The following TRAPPC9 variants were observed in gnomAD, a reference collection of about 807,000 sequenced individuals.
TRAPPC9 encodes the protein IKK2 binding protein.
TRAPPC9 carries 83 observed loss-of-function variants against 124.0 expected under a neutral mutation model. The observed-to-expected ratio is 0.67, with a 90% CI of 0.56 to 0.80. The LOEUF (loss-of-function observed/expected upper bound fraction) is 0.80, where lower values mean the gene tolerates loss of function less well. Ranked by LOEUF, TRAPPC9 falls within the 30% of genes least tolerant of loss-of-function variation. The pLI is 0.00. For missense variants in TRAPPC9, 1,302 were observed against 1,508.3 expected, an observed-to-expected ratio of 0.86 and a Z score of 2.27; for synonymous variants, 638 against 617.5, an observed-to-expected ratio of 1.03 and a Z score of -0.49.
chr8:140,008,001 T>C lies in TRAPPC9; in HGVS notation c.2699+15936A>G, dbSNP rs116244849. Among the ~76,000 whole-genome samples the C allele has an allele frequency of 4.4e-3, 666 of 152,304 alleles. 4 individuals carry two copies. The highest frequency in any genetic ancestry group is 0.015 in the African/African-American group (625 of 41,562). On this transcript the variant is annotated intron_variant, in intron 18 of 22. Transcript: ENST00000438773. Reference sequence around the variant, plus strand: ...ACACATGGAACTCGGGAGCACTAGTTATGGAGTCGGTGTCAGTCCAGATAG... The same window carrying C: ...ACACATGGAACTCGGGAGCACTAGTCATGGAGTCGGTGTCAGTCCAGATAG...
At chr8:140,292,985 C>A (rs1313465793) in intron 11 of TRAPPC9, among the ~76,000 whole-genome samples, 1 of 145,346 alleles carries the variant, frequency 6.9e-6, no homozygotes, top group African/African-American at 2.7e-5. Flanking sequence ...GGGCTAATAT[C>A]CAGAATCTAC....
chr8:140,329,964 G>A (rs575180801), intron 9 of TRAPPC9, among the ~76,000 whole-genome samples: 22 of 152,002 alleles, frequency 1.4e-4, no homozygotes, highest in South Asian at 1.3e-3. Flanking sequence ...TGTAATTCCA[G>A]CTAACTCAGG....
At chr8:139,758,096 T>C (rs937963503) in intron 21 of TRAPPC9, among the ~76,000 whole-genome samples, 2 of 152,212 alleles carry the variant, frequency 1.3e-5, no homozygotes, top group East Asian at 1.9e-4. Context: ...AAATTAATCT[T>C]TGTCTTCTTC....
chr8:140,049,726 G>T (rs1022014418), intron 17 of TRAPPC9, among the ~76,000 whole-genome samples: 1 of 152,202 alleles, frequency 6.6e-6, no homozygotes, highest in Non-Finnish European at 1.5e-5. Flanking sequence ...AAATGAAAGC[G>T]GATCTCTGAG....
At chr8:139,884,228 C>A (rs1829859112) in intron 21 of TRAPPC9, among the ~76,000 whole-genome samples, 1 of 152,048 alleles carries the variant, frequency 6.6e-6, no homozygotes, top group Non-Finnish European at 1.5e-5. Context: ...CTGGGAAGGG[C>A]ATTGTTTCCA....
At chr8:140,387,734 G>A (rs941665680) in intron 7 of TRAPPC9, among the ~76,000 whole-genome samples, 2 of 152,174 alleles carry the variant, frequency 1.3e-5, no homozygotes, top group Non-Finnish European at 2.9e-5. Flanking sequence ...AACAGGTGCT[G>A]GAGAGGACGT....
At chr8:140,031,629 C>T (rs1041286721) in intron 17 of TRAPPC9, among the ~76,000 whole-genome samples, 6 of 152,318 alleles carry the variant, frequency 3.9e-5, no homozygotes, top group Admixed American at 6.5e-5. Flanking sequence ...ACCAGCACAA[C>T]GGTTTACTTA....
At chr8:139,800,269 T>C (rs553974194) in intron 21 of TRAPPC9, among the ~76,000 whole-genome samples, 1 of 152,334 alleles carries the variant, frequency 6.6e-6, no homozygotes, top group East Asian at 1.9e-4. Context: ...ATTCTGTGGC[T>C]GGCCAAGGCC....
intron 21 of TRAPPC9, among the ~76,000 whole-genome samples, chr8:139,801,048 G>A (rs527836560): frequency 7.1e-6 from 1 of 140,620 alleles, no homozygotes; most frequent in South Asian, 2.3e-4. Context: ...CCCTCCCTCC[G>A]GCACCTTCCC....
At chr8:139,996,672 G>A (rs1052926766) in intron 18 of TRAPPC9, among the ~76,000 whole-genome samples, 1 of 152,098 alleles carries the variant, frequency 6.6e-6, no homozygotes, top group Non-Finnish European at 1.5e-5. Flanking sequence ...AAAAAGAATT[G>A]GCAAATGACA....
chr8:140,193,729 G>C (rs1205064991), intron 17 of TRAPPC9, among the ~76,000 whole-genome samples: 5 of 152,010 alleles, frequency 3.3e-5, no homozygotes, highest in Admixed American at 2.6e-4. Context: ...TGTGCTAATG[G>C]GAAGAGCATG....
intron 17 of TRAPPC9, among the ~76,000 whole-genome samples, chr8:140,124,985 A>T (rs1304313136): frequency 6.6e-6 from 1 of 152,240 alleles, no homozygotes; most frequent in Non-Finnish European, 1.5e-5. Flanking sequence ...TCTTGATAAA[A>T]ATTGCAGGGT....
At chr8:140,047,059 C>CCTGGAAG in intron 17 of TRAPPC9, among the ~76,000 whole-genome samples, 1 of 152,198 alleles carries the variant, frequency 6.6e-6, no homozygotes, top group African/African-American at 2.4e-5. Context: ...TGTGAGGTGT[C>CCTGGAAG]CTGGAAGGGA....
chr8:140,009,249 G>A (rs1420057551), intron 18 of TRAPPC9, among the ~76,000 whole-genome samples: 1 of 152,136 alleles, frequency 6.6e-6, no homozygotes, highest in African/African-American at 2.4e-5. Flanking sequence ...CATCACTTCT[G>A]TGGTTCAAAT....
chr8:140,120,654 T>C (rs1033935826), intron 17 of TRAPPC9, among the ~76,000 whole-genome samples: 7 of 142,760 alleles, frequency 4.9e-5, no homozygotes, highest in African/African-American at 1.6e-4. Flanking sequence ...ATCCATCCAT[T>C]CATCCATCCA....
At chr8:139,821,608 GAGA>G in intron 21 of TRAPPC9, among the ~76,000 whole-genome samples, 1 of 152,266 alleles carries the variant, frequency 6.6e-6, no homozygotes, top group Non-Finnish European at 1.5e-5. Flanking sequence ...GGAGGTGGCA[GAGA>G]AGATTAACAC....
intron 17 of TRAPPC9, among the ~76,000 whole-genome samples, chr8:140,147,771 A>G (rs1274029285): frequency 6.6e-6 from 1 of 152,250 alleles, no homozygotes; most frequent in African/African-American, 2.4e-5. Context: ...TCTCAAAATA[A>G]GCCACAGAGA....
At chr8:140,134,651 A>G (rs182544104) in intron 17 of TRAPPC9, among the ~76,000 whole-genome samples, 1 of 152,334 alleles carries the variant, frequency 6.6e-6, no homozygotes, top group Non-Finnish European at 1.5e-5. Context: ...CATGCAAAGG[A>G]ATGAAGTTGA....
intron 16 of TRAPPC9, among the ~76,000 whole-genome samples, chr8:140,236,651 C>CA (rs1455767934): frequency 2.0e-5 from 3 of 152,004 alleles, no homozygotes; most frequent in African/African-American, 7.3e-5. Flanking sequence ...CACCACTTAA[C>CA]AAAAAATATC....
Sources: allele counts gnomAD v4.1 joint callset (sites outside exome capture counted in the v4.1 genomes callset), GRCh38; gene constraint gnomAD v4.1.1; transcripts MANE v1.5; gene names NCBI Gene and HGNC (gene_info 2026-07-23, HGNC 2026-07-21).